KLHL29: variants seen among roughly 807,000 people sequenced by gnomAD.
The protein encoded by KLHL29 is kelch-like protein 29.
KLHL29 carries 21 observed loss-of-function variants against 80.4 expected under a neutral mutation model. The observed-to-expected ratio is 0.26, with a 90% CI of 0.19 to 0.38. The LOEUF is 0.38. Ranked by LOEUF, KLHL29 falls within the 10% of genes least tolerant of loss-of-function variation. The probability of loss-of-function intolerance (pLI) is 1.00; values close to 1 mark genes in which losing one functional copy is unlikely to be tolerated. For missense variants in KLHL29, 867 were observed against 1,223.9 expected (o/e 0.71, Z 4.35); for synonymous variants, 511 against 526.8 (o/e 0.97, Z 0.41).
chr2:23,591,529 C>A (rs1044657231), intron 3 of KLHL29, among the ~76,000 whole-genome samples: 1 of 150,480 alleles, frequency 6.6e-6, no homozygotes, highest in African/African-American at 2.4e-5. Flanking sequence ...ATCCGCATGT[C>A]CCTGACTCCT....
chr2:23,643,324 G>A (rs1669830669), intron 5 of KLHL29: 2 of 300,264 alleles, frequency 6.7e-6, no homozygotes, highest in Non-Finnish European at 1.3e-5. Context: ...CGTGCCATCG[G>A]ATGAGAGCAC....
intron 2 of KLHL29, among the ~76,000 whole-genome samples, chr2:23,496,829 A>C (rs1336062322): frequency 1.3e-5 from 2 of 152,190 alleles, no homozygotes; most frequent in Non-Finnish European, 2.9e-5. Context: ...ATCCATTTGC[A>C]TTTCTGTGAG....
intron 3 of KLHL29, among the ~76,000 whole-genome samples, chr2:23,621,003 G>C (rs945808993): frequency 6.6e-6 from 1 of 152,270 alleles, no homozygotes; most frequent in Non-Finnish European, 1.5e-5. Context: ...GAGCCAGGCG[G>C]AAGGTCTTTC....
At chr2:23,613,719 G>A (rs565771524) in intron 3 of KLHL29, among the ~76,000 whole-genome samples, 197 of 136,178 alleles carry the variant, frequency 1.4e-3, no homozygotes, top group African/African-American at 5.3e-3. Flanking sequence ...AGCCGAGATC[G>A]CGCCATTGCA....
chr2:23,486,887 A>C (rs1664944214), intron 2 of KLHL29, among the ~76,000 whole-genome samples: 1 of 152,176 alleles, frequency 6.6e-6, no homozygotes, highest in Non-Finnish European at 1.5e-5. Context: ...TGAGTCTGTG[A>C]ACCCAGTGAG....
intron 3 of KLHL29, among the ~76,000 whole-genome samples, chr2:23,615,110 A>C (rs540036755): frequency 9.2e-5 from 14 of 152,312 alleles, no homozygotes; most frequent in African/African-American, 3.4e-4. Flanking sequence ...CCCTTTCAGG[A>C]AAGACACTGA....
At chr2:23,631,704 G>C (rs536794693) in intron 3 of KLHL29, among the ~76,000 whole-genome samples, 1 of 152,342 alleles carries the variant, frequency 6.6e-6, no homozygotes, top group Admixed American at 6.5e-5. Context: ...AGAACTGAGA[G>C]ACCCTTGAAT....
Position 23,552,124 on chromosome 2 carries a change from A to G in KLHL29, c.-45-10028A>G, listed in dbSNP as rs4665610. ...ACACAGCACAACCACAGTGCTGTTA[A>G]TCACGGGTCCTGTGTTGTTACAGGG... is the stretch of plus-strand genomic sequence containing the variant. On this transcript the variant is annotated intron_variant, in intron 2 of 13. Transcript: ENST00000486442. Among the ~76,000 whole-genome samples, 441 of 152,330 alleles carry G rather than the reference A, an allele frequency of 2.9e-3. 5 individuals carry two copies. The highest frequency in any genetic ancestry group is 0.01 in the Admixed American group (158 of 15,302).
chr2:23,515,156 T>G (rs549476296), intron 2 of KLHL29, among the ~76,000 whole-genome samples: 3 of 152,162 alleles, frequency 2.0e-5, no homozygotes, highest in Non-Finnish European at 4.4e-5. Flanking sequence ...AAATTGTCCC[T>G]CTTCGCATTT....
At chr2:23,699,025 C>A (rs1028093109) in intron 11 of KLHL29, among the ~76,000 whole-genome samples, 3 of 152,230 alleles carry the variant, frequency 2.0e-5, no homozygotes, top group Admixed American at 2.0e-4. Flanking sequence ...TCCAAAAAGA[C>A]ACTTACTCCA....
At chr2:23,690,734 C>T (rs1671541959) in intron 6 of KLHL29, 1 of 152,284 alleles carries the variant, frequency 6.6e-6, no homozygotes, top group Admixed American at 6.5e-5. Flanking sequence ...ACTTATGTAT[C>T]AGTGTCACTC....
intron 3 of KLHL29, among the ~76,000 whole-genome samples, chr2:23,609,309 G>A (rs1359747989): frequency 6.6e-6 from 1 of 152,148 alleles, no homozygotes; most frequent in Admixed American, 6.5e-5. Context: ...AGAGCTCCAG[G>A]AGAAAGTGTG....
Position 23,596,166 on chromosome 2 carries a change from A to T in KLHL29, c.285+33685A>T, listed in dbSNP as rs569693002. Among the ~76,000 whole-genome samples the T allele has an allele frequency of 9.2e-5, 14 of 152,308 alleles. No individual in the cohort carries two copies. The East Asian group carries it at 2.7e-3, about 29-fold the overall frequency. On this transcript the variant is annotated intron_variant, in intron 3 of 13. Coordinates refer to ENST00000486442, the MANE Select transcript of KLHL29 (RefSeq NM_052920.2). The surrounding 1 kb of genome is among the most constrained non-coding windows in gnomAD (Gnocchi z 4.4). ...TAGAGCACCCTCGGCAGCCAGCCGG[A>T]CGGGCAGGCCGGGGGCGGGGCAGGG...
At chr2:23,470,721 A>T (rs1023596496) in intron 1 of KLHL29, among the ~76,000 whole-genome samples, 3 of 152,200 alleles carry the variant, frequency 2.0e-5, no homozygotes, top group Non-Finnish European at 4.4e-5. Flanking sequence ...ATCAGTGGCC[A>T]ATTGTGGCTC....
intron 2 of KLHL29, among the ~76,000 whole-genome samples, chr2:23,533,771 C>A (rs998548666): frequency 3.3e-5 from 5 of 152,178 alleles, no homozygotes; most frequent in African/African-American, 1.2e-4. Flanking sequence ...CTAGAAGATC[C>A]GCTTGTGGAC....
intron 2 of KLHL29, among the ~76,000 whole-genome samples, chr2:23,512,292 A>G (rs1041259298): frequency 6.6e-6 from 1 of 152,128 alleles, no homozygotes; most frequent in African/African-American, 2.4e-5. Flanking sequence ...CTAAAAATAC[A>G]AAATTAGCTG....
intron 1 of KLHL29, among the ~76,000 whole-genome samples, chr2:23,419,330 G>A (rs1662713226): frequency 6.6e-6 from 1 of 152,142 alleles, no homozygotes; most frequent in Non-Finnish European, 1.5e-5. Context: ...CAGTGAAGGA[G>A]GCCAGATAAA....
At chr2:23,637,273 G>A (rs1025637673) in intron 3 of KLHL29, among the ~76,000 whole-genome samples, 7 of 152,204 alleles carry the variant, frequency 4.6e-5, no homozygotes, top group African/African-American at 1.4e-4. Flanking sequence ...AGCGAAGGCT[G>A]TGGAGTGGAT....
chr2:23,459,363 T>C (rs766759899), intron 1 of KLHL29, among the ~76,000 whole-genome samples: 5 of 152,072 alleles, frequency 3.3e-5, no homozygotes, highest in Admixed American at 1.3e-4. Context: ...GAATATGTTT[T>C]GGAGAGTCAT....
Sources: allele counts gnomAD v4.1 joint callset (sites outside exome capture counted in the v4.1 genomes callset), GRCh38; gene constraint gnomAD v4.1.1; non-coding constraint Gnocchi (gnomAD v3.1); transcripts MANE v1.5; gene names NCBI Gene and HGNC (gene_info 2026-07-23, HGNC 2026-07-21).